USP34: variants seen among roughly 807,000 people sequenced by gnomAD.
USP34 encodes the protein ubiquitin carboxyl-terminal hydrolase 34.
USP34 carries 70 observed loss-of-function variants against 460.3 expected under a neutral mutation model. The ratio of observed to expected loss-of-function variants is 0.15; its 90% CI spans 0.13 to 0.19. The LOEUF is 0.19. USP34 is among the 10% of genes least tolerant of loss of function. The pLI is 1.00. For synonymous variants in USP34, 1,647 were observed against 1,405.3 expected (o/e 1.17, Z -3.85); for missense variants, 3,985 against 4,236.2 (o/e 0.94, Z 1.65).
rs755216267 is a variant in USP34 at position 61,257,315 on chromosome 2, G to A, written c.5880C>T (p.Phe1960=). ...GCTTATCCATGGTGTATGTTTTACAGAAAGGTCTAGGATTATATGCTTTGC... is the reference window on the plus strand; with the variant it reads ...GCTTATCCATGGTGTATGTTTTACAAAAAGGTCTAGGATTATATGCTTTGC... ...SECKAYNPRP[F]CKTYTMDKQP... Residue 1960 remains phenylalanine, a synonymous_variant, in exon 45 of 80, where the codon TTC becomes TTT. Transcript: ENST00000398571. 1.2e-6 allele frequency: 2 copies of A among 1,612,636 alleles called. No homozygotes were observed. The highest frequency in any genetic ancestry group is 2.7e-5 in the African/African-American group (2 of 74,864).
At chr2:61,226,381 A>T (rs1435349948) in intron 62 of USP34, among the ~76,000 whole-genome samples, 1 of 152,242 alleles carries the variant, frequency 6.6e-6, no homozygotes, top group Admixed American at 6.5e-5. Context: ...AATGCATTTT[A>T]GCAAATGGGT....
intron 75 of USP34, among the ~76,000 whole-genome samples, chr2:61,193,676 G>T (rs1383846839): frequency 6.6e-6 from 1 of 152,136 alleles, no homozygotes; most frequent in East Asian, 1.9e-4. Flanking sequence ...CATTACCACA[G>T]TCCTAAATGA....
chr2:61,404,650 C>A (rs575321695), intron 3 of USP34, among the ~76,000 whole-genome samples: 28 of 152,282 alleles, frequency 1.8e-4, no homozygotes, highest in African/African-American at 6.7e-4. Flanking sequence ...CCAACTGCCA[C>A]ACACACAAGT....
At chr2:61,413,668 A>T (rs1027803986) in intron 2 of USP34, among the ~76,000 whole-genome samples, 11 of 136,662 alleles carry the variant, frequency 8.0e-5, no homozygotes, top group Non-Finnish European at 1.4e-4. Context: ...CAAAAAAATT[A>T]AAAAAATAAA....
chr2:61,459,877 C>T (rs187371891), intron 1 of USP34, among the ~76,000 whole-genome samples: 73 of 151,976 alleles, frequency 4.8e-4, no homozygotes, highest in East Asian at 2.5e-3. Context: ...CTGATTAACA[C>T]GGTAAAACCC....
At chr2:61,222,035 C>T (rs896850400) in intron 65 of USP34, among the ~76,000 whole-genome samples, 6 of 152,080 alleles carry the variant, frequency 3.9e-5, no homozygotes, top group African/African-American at 1.4e-4. Context: ...TAACTGTAGT[C>T]GCTACATTGC....
intron 1 of USP34, among the ~76,000 whole-genome samples, chr2:61,435,512 A>C (rs1037397891): frequency 1.3e-5 from 2 of 152,112 alleles, no homozygotes; most frequent in African/African-American, 4.8e-5. Flanking sequence ...TGTCCTGCAG[A>C]AACGCAGGAG....
chr2:61,334,948 T>C (rs1241296490), intron 18 of USP34, among the ~76,000 whole-genome samples: 3 of 152,202 alleles, frequency 2.0e-5, no homozygotes, highest in African/African-American at 7.2e-5. Flanking sequence ...CTTCCAACTT[T>C]TCTCCCATTT....
At position 61,370,487 on chromosome 2, in the gene USP34, C is replaced by A; in HGVS notation, c.1158+11G>T. The A allele has an allele frequency of 6.2e-7, 1 of 1,613,482 alleles. No individual in the cohort carries two copies. The highest frequency in any genetic ancestry group is 8.5e-7 in the Non-Finnish European group (1 of 1,179,714). Reference sequence around the variant, plus strand: ...CAATAGAACAGAGAAGTTATGTAATCATCCACAAACCTCAATATGTAAATT... The same window carrying A: ...CAATAGAACAGAGAAGTTATGTAATAATCCACAAACCTCAATATGTAAATT... On this transcript the variant is annotated intron_variant, in intron 9 of 79. Transcript: ENST00000398571.
chr2:61,372,133 T>C (rs896021054), intron 8 of USP34, among the ~76,000 whole-genome samples: 7 of 152,098 alleles, frequency 4.6e-5, no homozygotes, highest in Admixed American at 4.6e-4. Flanking sequence ...TATATACAGA[T>C]AAACTGGAAA....
intron 75 of USP34, chr2:61,193,365 T>TAAAAAAAAAAAAAAAAAAAA (rs577314106): frequency 4.1e-5 from 4 of 97,232 alleles, no homozygotes; most frequent in African/African-American, 1.5e-4. Flanking sequence ...AGGGGAAAGG[T>TAAAAAAAAAAAAAAAAAAAA]AAAAAAAAAA....
chr2:61,359,779 GTTTTTT>G (rs35258583), intron 10 of USP34, among the ~76,000 whole-genome samples: 24 of 86,862 alleles, frequency 2.8e-4, no homozygotes, highest in African/African-American at 9.3e-4. Context: ...GCCCACAGTT[GTTTTTT>G]TTTTTTTTTT....
chr2:61,224,053 C>A (rs1305336864), intron 62 of USP34, among the ~76,000 whole-genome samples: 2 of 152,144 alleles, frequency 1.3e-5, no homozygotes, highest in African/African-American at 4.8e-5. Context: ...AACCACGGTA[C>A]CATTATTCAT....
intron 33 of USP34, among the ~76,000 whole-genome samples, chr2:61,290,672 C>T (rs1187865252): frequency 6.6e-6 from 1 of 151,840 alleles, no homozygotes; most frequent in African/African-American, 2.4e-5. Flanking sequence ...GACGGAACTT[C>T]TTAAGTAATG....
intron 3 of USP34, among the ~76,000 whole-genome samples, chr2:61,398,884 G>A: frequency 6.6e-6 from 1 of 152,170 alleles, no homozygotes; most frequent in East Asian, 1.9e-4. Flanking sequence ...TCCTGGCTAT[G>A]ACAACCGGGG....
intron 5 of USP34, among the ~76,000 whole-genome samples, chr2:61,393,429 T>TAAAAAAAAA: frequency 7.7e-6 from 1 of 129,888 alleles, no homozygotes; most frequent in African/African-American, 2.9e-5. Flanking sequence ...AGACTCCGTC[T>TAAAAAAAAA]AAAAAAAAAA....
At position 61,214,656 on chromosome 2, in the gene USP34, A is replaced by C. The variant is rs369329899; in HGVS notation, c.8086T>G (p.Ser2696Ala). ...YLLVSLIPSN[S>A]FRQMFRSTRS... Reference sequence around the variant, plus strand: ...GTTGACCGGAACATCTGACGGAATGAATTGCTTGGTATAAGGGACACCAGA... The same window carrying C: ...GTTGACCGGAACATCTGACGGAATGCATTGCTTGGTATAAGGGACACCAGA... The change falls in exon 68 of 80, where the codon TCA (serine) becomes GCA (alanine). Residue 2696 changes from serine (S) to alanine (A), a missense_variant. This residue lies in a region of USP34 where 604 missense variants were observed against 684.8 expected (regional missense o/e 0.88). Coordinates refer to ENST00000398571, the MANE Select transcript of USP34 (RefSeq NM_014709.4). The C allele has an allele frequency of 6.4e-5, 103 of 1,614,082 alleles. No homozygotes were observed. The highest frequency in any genetic ancestry group is 8.3e-5 in the Non-Finnish European group (98 of 1,180,024).
intron 6 of USP34, among the ~76,000 whole-genome samples, chr2:61,380,699 T>C (rs984164172): frequency 6.6e-6 from 1 of 152,218 alleles, no homozygotes; most frequent in African/African-American, 2.4e-5. Flanking sequence ...GGCCTTGCCA[T>C]GTAACTTGCT....
At chr2:61,385,376 ACT>A (rs1693105157) in intron 5 of USP34, among the ~76,000 whole-genome samples, 1 of 151,998 alleles carries the variant, frequency 6.6e-6, no homozygotes, top group Admixed American at 6.6e-5. Context: ...AATAGCTAAA[ACT>A]CTCTAAGAAA....
Sources: allele counts gnomAD v4.1 joint callset (sites outside exome capture counted in the v4.1 genomes callset), GRCh38; gene constraint gnomAD v4.1.1; regional missense constraint gnomAD v4.1.1; transcripts MANE v1.5; gene names NCBI Gene and HGNC (gene_info 2026-07-23, HGNC 2026-07-21).